Variants in ATXN3 observed in about 807,000 individuals in gnomAD.
The protein encoded by ATXN3 is ataxin-3.
ATXN3 carries 28 observed loss-of-function variants against 58.2 expected under a neutral mutation model. That is an observed-to-expected ratio of 0.48 (90% CI 0.36 to 0.66). The LOEUF is 0.66. Ranked by LOEUF, ATXN3 falls within the 30% of genes least tolerant of loss-of-function variation. The probability of loss-of-function intolerance (pLI) is 0.00; values close to 1 mark genes in which losing one functional copy is unlikely to be tolerated. For synonymous variants in ATXN3, 113 were observed against 138.5 expected, an observed-to-expected ratio of 0.82 and a Z score of 1.29; for missense variants, 321 against 422.1, an observed-to-expected ratio of 0.76 and a Z score of 2.10.
intron 10 of ATXN3, among the ~76,000 whole-genome samples, chr14:92,069,611 A>G (rs1467919038): frequency 2.0e-5 from 3 of 152,106 alleles, no homozygotes; most frequent in Admixed American, 6.5e-5. Context: ...GACTTCAGGT[A>G]TCTGCCAACC....
Position 92,064,115 on chromosome 14 carries a change from C to A in ATXN3, c.*205G>T, listed in dbSNP as rs756178320. On this transcript the variant is annotated 3_prime_UTR_variant, in exon 11 of 11. Coordinates refer to ENST00000644486, the MANE Select transcript of ATXN3 (RefSeq NM_004993.6). ...AAACTATTTTAAATGTCTTTAATTG[C>A]TGAATGCCTCTTTGGCTAATATTTG... 119 of 378,750 alleles carry A rather than the reference C, an allele frequency of 3.1e-4. No homozygotes were observed. The highest frequency in any genetic ancestry group is 7.2e-4 in the Middle Eastern group (1 of 1,380). 23.5% of individuals were successfully genotyped at this position (378,750 alleles called of 1,614,324 possible).
intron 10 of ATXN3, 33 bp downstream of exon 10, chr14:92,070,902 T>C (rs1320663964): frequency 1.9e-6 from 3 of 1,613,596 alleles, no homozygotes; most frequent in Admixed American, 3.3e-5. Flanking sequence ...AGTGTGAAGG[T>C]AGCGAACATG....
rs1355260124 is a variant in ATXN3, at chr14:92,093,798, C to G, written c.268G>C (p.Glu90Gln). The change falls in exon 4 of 11, where the codon GAA becomes CAA. Residue 90 changes from glutamate to glutamine, a missense_variant. Glu to Gln is a conservative substitution (Grantham distance 29, BLOSUM62 2). Transcript: ENST00000644486. Reference sequence around the variant, plus strand: ...TCTGGACTGTTGAACAGGATTAGTTCTAAACCCCAAACTTTCAAGGCATTG... The same window carrying G: ...TCTGGACTGTTGAACAGGATTAGTTGTAAACCCCAAACTTTCAAGGCATTG... ...ISNALKVWGL[E>Q]LILFNSPEYQ... 1 of 1,612,478 alleles carries G rather than the reference C, an allele frequency of 6.2e-7. No individual in the cohort carries two copies. The highest frequency in any genetic ancestry group is 8.5e-7 in the Non-Finnish European group (1 of 1,178,666).
Position 92,064,370 on chromosome 14 carries a change from T to C in ATXN3, c.1036A>G (p.Met346Val). 1 of 1,613,372 alleles carries C rather than the reference T, an allele frequency of 6.2e-7. No homozygotes were observed. Among genetic ancestry groups the C allele is most frequent in the Non-Finnish European group, 8.5e-7 (1 of 1,179,550 alleles). ...TCATTTCTGACAGTTTCTAAAGACA[T>C]GGTCACAGCTGCCTGAAGCATGTCT... ...EEDMLQAAVT[M>V]SLETVRNDLK... The change falls in exon 11 of 11, where the codon ATG becomes GTG. Residue 346 changes from methionine (M) to valine (V), a missense_variant. Physicochemically the swap from Met to Val is conservative, Grantham distance 21 (BLOSUM62 1). Coordinates refer to ENST00000644486, the MANE Select transcript of ATXN3 (RefSeq NM_004993.6).
chr14:92,051,705 C>CTTTTTTTTTTTTTTTTTTTT (rs2057448361), upstream of ATXN3, among the ~76,000 whole-genome samples: 1 of 30,800 alleles, frequency 3.2e-5, no homozygotes, highest in Non-Finnish European at 7.3e-5. Context: ...TTTTTCTTTT[C>CTTTTTTTTTTTTTTTTTTTT]TTCTTTTCCT....
At chr14:92,077,430 T>G (rs2060605776) in intron 9 of ATXN3, among the ~76,000 whole-genome samples, 1 of 151,702 alleles carries the variant, frequency 6.6e-6, no homozygotes, top group East Asian at 1.9e-4. Flanking sequence ...CACTGCAAGC[T>G]CCACCTCCCG....
chr14:92,082,549 T>A, intron 7 of ATXN3, 83 bp from the exon 8 acceptor site: 1 of 1,290,786 alleles, frequency 7.7e-7, no homozygotes, highest in African/African-American at 1.5e-5. Context: ...TGTAAAGGCT[T>A]TAAGTAAGTC....
At chr14:92,065,418 A>G (rs1055541543) in intron 10 of ATXN3, among the ~76,000 whole-genome samples, 1 of 152,220 alleles carries the variant, frequency 6.6e-6, no homozygotes, top group Non-Finnish European at 1.5e-5. Flanking sequence ...ACATTCATGT[A>G]CATGTTTTTG....
At chr14:92,070,534 G>A (rs371776548) in intron 10 of ATXN3, among the ~76,000 whole-genome samples, 3 of 152,132 alleles carry the variant, frequency 2.0e-5, no homozygotes, top group Admixed American at 1.3e-4. Context: ...AGCCGAGATC[G>A]CGACACTGCA....
rs2057745586 is a variant in ATXN3 at position 92,061,015 on chromosome 14, AG to A, written c.*3304del. The A allele has an allele frequency of 6.6e-6, 1 of 152,156 alleles. No homozygotes were observed. The highest frequency in any genetic ancestry group is 2.1e-4 in the South Asian group (1 of 4,830). The allele number at this position is 152,156 out of a possible 1,614,324, so 9.4% of individuals were successfully genotyped here. ...CCAAAATGCTGGGATTACAGGCGTG[AG>A]CTACCACGCCCAGCCGCCACTAGCA... On this transcript the variant is annotated 3_prime_UTR_variant, in exon 11 of 11. Transcript: ENST00000644486.
intron 10 of ATXN3, among the ~76,000 whole-genome samples, chr14:92,068,979 T>C (rs957866443): frequency 6.6e-6 from 1 of 152,226 alleles, no homozygotes; most frequent in African/African-American, 2.4e-5. Context: ...CTTTTTTTAT[T>C]CAATTGTTTG....
At chr14:92,070,015 T>C (rs1478766042) in intron 10 of ATXN3, among the ~76,000 whole-genome samples, 1 of 152,238 alleles carries the variant, frequency 6.6e-6, no homozygotes, top group Non-Finnish European at 1.5e-5. Flanking sequence ...CTATGTCTTA[T>C]TTGGTGAAAT....
At chr14:92,098,746 C>G (rs1172977854) in intron 1 of ATXN3, among the ~76,000 whole-genome samples, 2 of 152,152 alleles carry the variant, frequency 1.3e-5, no homozygotes, top group Admixed American at 6.5e-5. Context: ...ATAATGTATA[C>G]ACAGTGTAAA....
At chr14:92,086,589 C>T (rs977086318) in intron 6 of ATXN3, among the ~76,000 whole-genome samples, 6 of 148,684 alleles carry the variant, frequency 4.0e-5, no homozygotes, top group African/African-American at 1.5e-4. Context: ...AAAAATTAGC[C>T]GGTCATGGTG....
chr14:92,096,331 A>G, intron 2 of ATXN3, 194 bp from the exon 3 acceptor site: 1 of 1,453,132 alleles, frequency 6.9e-7, no homozygotes, highest in Non-Finnish European at 9.1e-7. Flanking sequence ...CCACATTTTT[A>G]AAAGAAATGT....
chr14:92,097,587 A>G (rs1032244258), intron 1 of ATXN3, among the ~76,000 whole-genome samples: 15 of 148,928 alleles, frequency 1.0e-4, no homozygotes, highest in Admixed American at 3.4e-4. Context: ...GTGCAGTGGC[A>G]TGATCTCGGC....
chr14:92,093,964 G>A (rs1284550189), intron 3 of ATXN3, 133 bp from the exon 4 acceptor site: 3 of 515,778 alleles, frequency 5.8e-6, no homozygotes, highest in African/African-American at 2.5e-5. Context: ...TTTTTTTTGT[G>A]ACAGAGTCTT....
intron 1 of ATXN3, among the ~76,000 whole-genome samples, chr14:92,103,441 A>G (rs2067334206): frequency 6.6e-6 from 1 of 152,026 alleles, no homozygotes. Flanking sequence ...AAATATATAC[A>G]TTTTTTTCTT....
chr14:92,054,923 C>G (rs1209254677), downstream of ATXN3, among the ~76,000 whole-genome samples: 2 of 152,188 alleles, frequency 1.3e-5, no homozygotes, highest in Non-Finnish European at 2.9e-5. Context: ...GTTCTGTCAC[C>G]TAATCTGGAG....
Sources: gnomAD v4.1 joint callset for allele counts (sites outside exome capture counted in the v4.1 genomes callset) on GRCh38, gnomAD v4.1.1 for gene constraint, MANE v1.5 for transcripts, NCBI Gene and HGNC (gene_info 2026-07-23, HGNC 2026-07-21) for gene names.